Variants in PCDHA1 observed in about 807,000 individuals in gnomAD.
PCDHA1 encodes protocadherin alpha 1.
In PCDHA1, 42 loss-of-function variants were observed where a neutral mutation model predicts 61.3. That is an observed-to-expected ratio of 0.69 (90% CI 0.54 to 0.89). PCDHA1 has a LOEUF of 0.89. Ranked by LOEUF, PCDHA1 falls within the 40% of genes least tolerant of loss-of-function variation. The pLI is 0.00. For missense variants in PCDHA1, 1,256 were observed against 1,235.3 expected (o/e 1.02, Z -0.25); for synonymous variants, 610 against 553.8 (o/e 1.10, Z -1.43).
chr5:140,937,795 C>T (rs1472022589), intron 1 of PCDHA1, among the ~76,000 whole-genome samples: 1 of 151,670 alleles, frequency 6.6e-6, no homozygotes, highest in Non-Finnish European at 1.5e-5. Context: ...GTATGTAGTC[C>T]CAGCTACTCG....
At chr5:140,875,524 C>T in intron 1 of PCDHA1, 1 of 1,614,084 alleles carries the variant, frequency 6.2e-7, no homozygotes, top group East Asian at 2.2e-5. Context: ...GCTGCTCTCG[C>T]TTCTGCTCCT....
chr5:140,829,833 T>A, intron 1 of PCDHA1: 6 of 1,613,890 alleles, frequency 3.7e-6, no homozygotes, highest in Non-Finnish European at 5.1e-6. Flanking sequence ...AGCGAGCTGG[T>A]GCCGCGGTCA....
intron 1 of PCDHA1, chr5:140,835,685 T>G (rs2150241896): frequency 8.7e-6 from 14 of 1,613,884 alleles, no homozygotes; most frequent in Non-Finnish European, 1.2e-5. Flanking sequence ...GCTCGCCTTC[T>G]CTGTGGGCCA....
chr5:140,829,921 G>A (rs1770679553), intron 1 of PCDHA1: 1 of 1,613,908 alleles, frequency 6.2e-7, no homozygotes, highest in Admixed American at 1.7e-5. Flanking sequence ...TTTCGTATGA[G>A]CTGCAGCCCC....
At chr5:140,911,088 C>T (rs1447899502) in intron 1 of PCDHA1, among the ~76,000 whole-genome samples, 3 of 152,092 alleles carry the variant, frequency 2.0e-5, no homozygotes, top group African/African-American at 7.2e-5. Flanking sequence ...ATTATCTTGC[C>T]TGGCAACTGC....
At chr5:140,915,531 T>C (rs1258680816) in intron 1 of PCDHA1, among the ~76,000 whole-genome samples, 1 of 152,150 alleles carries the variant, frequency 6.6e-6, no homozygotes, top group Non-Finnish European at 1.5e-5. Context: ...AGGTACCATC[T>C]TGGAGGTCTT....
intron 1 of PCDHA1, among the ~76,000 whole-genome samples, chr5:140,886,515 G>A (rs1554182564): frequency 3.9e-5 from 6 of 151,972 alleles, no homozygotes; most frequent in Non-Finnish European, 8.8e-5. Flanking sequence ...TGGATTTTAA[G>A]GTCTGCATAT....
At chr5:140,882,750 A>C (rs781948584) in intron 1 of PCDHA1, 3 of 1,614,128 alleles carry the variant, frequency 1.9e-6, no homozygotes, top group Non-Finnish European at 2.5e-6. Flanking sequence ...TCCGATGCAG[A>C]TATTGGAGTA....
chr5:140,841,077 G>A, intron 1 of PCDHA1: 1 of 526,540 alleles, frequency 1.9e-6, no homozygotes, highest in South Asian at 2.8e-5. Flanking sequence ...GAAATAGAAA[G>A]TGCATAGAAG....
At chr5:140,876,292 A>G in intron 1 of PCDHA1, 1 of 1,614,080 alleles carries the variant, frequency 6.2e-7, no homozygotes, top group Non-Finnish European at 8.5e-7. Context: ...CGAAGGACTT[A>G]ATGGAGAAAT....
chr5:140,797,422 A>G (rs782182142), intron 1 of PCDHA1: 9 of 1,470,882 alleles, frequency 6.1e-6, no homozygotes, highest in Admixed American at 1.9e-5. Context: ...GATTTCTACT[A>G]GTTATTTAGA....
At chr5:141,001,220 G>T (rs1554258038) in intron 3 of PCDHA1, among the ~76,000 whole-genome samples, 1 of 152,116 alleles carries the variant, frequency 6.6e-6, no homozygotes, top group African/African-American at 2.4e-5. Flanking sequence ...TATAAGGATA[G>T]TTACATTTAA....
In PCDHA1 at chr5:140,823,487, G is replaced by C. The variant is rs150930880; in HGVS notation, c.2394+34803G>C. The C allele has an allele frequency of 9.5e-5, 154 of 1,613,262 alleles. No homozygotes were observed. In the African/African-American group the frequency reaches 1.7e-3, roughly 18 times the overall value. On this transcript the variant is annotated intron_variant, in intron 1 of 3. Transcript: ENST00000504120. ...GCGCTGCTGGTGCCTCGAGTGGGTG[G>C]CACCGGCGGCGCAGTGAGCGAGCTG...
At chr5:140,870,325 C>G in intron 1 of PCDHA1, 1 of 1,614,198 alleles carries the variant, frequency 6.2e-7, no homozygotes. Flanking sequence ...CTCGTTGGTG[C>G]TGGACAGCGC....
chr5:140,967,017 C>T, intron 1 of PCDHA1: 1 of 1,606,892 alleles, frequency 6.2e-7, no homozygotes, highest in Non-Finnish European at 8.5e-7. Context: ...CATCTGGGTG[C>T]GCCCAGTCCG....
At chr5:140,961,347 T>TTGAGAGACCAA (rs2095606709) in intron 1 of PCDHA1, among the ~76,000 whole-genome samples, 1 of 152,216 alleles carries the variant, frequency 6.6e-6, no homozygotes, top group South Asian at 2.1e-4. Flanking sequence ...AGTGGATCCC[T>TTGAGAGACCAA]GTAGTCCCCA....
intron 1 of PCDHA1, among the ~76,000 whole-genome samples, chr5:140,845,370 T>C (rs1032525596): frequency 6.7e-6 from 1 of 149,690 alleles, no homozygotes; most frequent in Non-Finnish European, 1.5e-5. Flanking sequence ...CAAAATATCA[T>C]AAATAGGAGG....
intron 1 of PCDHA1, chr5:140,811,498 A>G (rs1310095645): frequency 3.3e-5 from 5 of 152,218 alleles, no homozygotes; most frequent in African/African-American, 1.2e-4. Context: ...TAGTAGCATG[A>G]TTTATAATCC....
At chr5:140,803,369 C>G (rs140796793) in intron 1 of PCDHA1, 9 of 1,614,078 alleles carry the variant, frequency 5.6e-6, no homozygotes, top group South Asian at 1.1e-5. Flanking sequence ...TGCGGTGCTC[C>G]GCGCCGCCAA....
Sources: allele counts gnomAD v4.1 joint callset (sites outside exome capture counted in the v4.1 genomes callset), GRCh38; gene constraint gnomAD v4.1.1; transcripts MANE v1.5; gene names NCBI Gene and HGNC (gene_info 2026-07-23, HGNC 2026-07-21).